STAB2: variants seen among roughly 807,000 people sequenced by gnomAD.
STAB2 encodes stabilin-2.
Under a neutral mutation model 338.1 loss-of-function variants are expected in STAB2, and 288 were observed. The ratio of observed to expected loss-of-function variants is 0.85; its 90% CI spans 0.77 to 0.94. The LOEUF is 0.94. Ranked by LOEUF, STAB2 falls within the 40% of genes least tolerant of loss-of-function variation. The pLI, the probability that STAB2 is intolerant of heterozygous loss-of-function variation, is 0.00. For missense variants in STAB2, 3,141 were observed against 3,210.1 expected, an observed-to-expected ratio of 0.98 and a Z score of 0.52; for synonymous variants, 1,202 against 1,193.3, an observed-to-expected ratio of 1.01 and a Z score of -0.15.
intron 3 of STAB2, among the ~76,000 whole-genome samples, chr12:103,597,647 T>C (rs920618083): frequency 1.3e-5 from 2 of 152,244 alleles, no homozygotes; most frequent in Non-Finnish European, 2.9e-5. Context: ...AAATTTATAC[T>C]ACTTTATCAA....
At chr12:103,663,795 T>G (rs567554347) in intron 18 of STAB2, among the ~76,000 whole-genome samples, 1 of 152,316 alleles carries the variant, frequency 6.6e-6, no homozygotes, top group African/African-American at 2.4e-5. Flanking sequence ...GGACACAAGT[T>G]TTTGGAAAGA....
chr12:103,647,565 C>A (rs1326296755), intron 9 of STAB2, among the ~76,000 whole-genome samples: 1 of 152,196 alleles, frequency 6.6e-6, no homozygotes. Flanking sequence ...GCTGTCAACT[C>A]CTCTATACTG....
chr12:103,703,705 G>A (rs1879101696), intron 35 of STAB2, among the ~76,000 whole-genome samples: 4 of 152,294 alleles, frequency 2.6e-5, no homozygotes, highest in South Asian at 4.1e-4. Flanking sequence ...ATAAGGAAAT[G>A]AATGATTTCA....
In STAB2 at chr12:103,662,831, A is replaced by T; in HGVS notation, c.1870-15A>T. On this transcript the variant is annotated splice_polypyrimidine_tract_variant and intron_variant, in intron 17 of 68. Transcript: ENST00000388887. ...AGAATAGTACAGAATTAGAGATGTC[A>T]TTTTTTCTTTCCAGGGACAGATTCT... The T allele has an allele frequency of 6.2e-7, 1 of 1,613,656 alleles. No homozygotes were observed. Among genetic ancestry groups the T allele is most frequent in the Non-Finnish European group, 8.5e-7 (1 of 1,179,868 alleles).
chr12:103,644,378 A>G (rs1408558807), intron 9 of STAB2, among the ~76,000 whole-genome samples: 1 of 150,000 alleles, frequency 6.7e-6, no homozygotes, highest in East Asian at 2.0e-4. Context: ...TCAAGTACCC[A>G]GGGACACAAA....
intron 5 of STAB2, among the ~76,000 whole-genome samples, chr12:103,631,299 T>C (rs981313573): frequency 6.6e-6 from 1 of 152,182 alleles, no homozygotes; most frequent in Non-Finnish European, 1.5e-5. Context: ...CTTGTTGAGG[T>C]ATCCAAAGAT....
At position 103,705,656 on chromosome 12, in the gene STAB2, T is replaced by C. The variant is rs1163771970; in HGVS notation, c.3925T>C (p.Tyr1309His). Reference sequence around the variant, plus strand: ...GGGTAATGAGAAGAGGAGATGCATCTATACCTCCTATTTCATGGGAAGACG... The same window carrying C: ...GGGTAATGAGAAGAGGAGATGCATCCATACCTCCTATTTCATGGGAAGACG... ...SLGNEKRRCI[Y>H]TSYFMGRRTL... The change falls in exon 37 of 69, where the codon TAT (tyrosine) becomes CAT (histidine). Residue 1309 changes from tyrosine (Y) to histidine (H), a missense_variant. Tyr to His is a moderately conservative substitution (Grantham distance 83). Coordinates refer to ENST00000388887, the MANE Select transcript of STAB2 (RefSeq NM_017564.10). The C allele has an allele frequency of 6.2e-7, 1 of 1,614,076 alleles. No individual in the cohort carries two copies. The highest frequency in any genetic ancestry group is 1.3e-5 in the African/African-American group (1 of 74,944).
chr12:103,719,337 T>C (rs1472034898), intron 44 of STAB2, among the ~76,000 whole-genome samples: 1 of 152,208 alleles, frequency 6.6e-6, no homozygotes, highest in African/African-American at 2.4e-5. Flanking sequence ...GAACTGTTAT[T>C]AACCCCATTT....
intron 25 of STAB2, among the ~76,000 whole-genome samples, chr12:103,678,721 A>G (rs1876617615): frequency 6.6e-6 from 1 of 152,064 alleles, no homozygotes; most frequent in Non-Finnish European, 1.5e-5. Context: ...TAGTAGAGAC[A>G]GGGTTTTTCC....
At chr12:103,653,784 A>C (rs1873958860) in intron 12 of STAB2, among the ~76,000 whole-genome samples, 1 of 148,674 alleles carries the variant, frequency 6.7e-6, no homozygotes, top group Non-Finnish European at 1.5e-5. Context: ...GGATGGATAC[A>C]TGGATAGGTC....
intron 25 of STAB2, among the ~76,000 whole-genome samples, chr12:103,679,202 C>T (rs541216079): frequency 6.6e-6 from 1 of 152,052 alleles, no homozygotes; most frequent in East Asian, 2.0e-4. Flanking sequence ...ATGGAGAAAC[C>T]CCATGTCTAC....
rs533314681 is a variant in STAB2, at chr12:103,709,801, G to T, written c.4288+1265G>T. 2.1e-4 allele frequency among the ~76,000 whole-genome samples: 32 copies of T among 152,272 alleles called. No homozygotes were observed. The East Asian group carries it at 6.0e-3, about 28-fold the overall frequency. On this transcript the variant is annotated intron_variant, in intron 39 of 68. Transcript: ENST00000388887. ...CAGGCTTCTGAGAGCCTGGGAGAGG[G>T]AAGCAGGAAGCAATGGGGTCACATA...
At chr12:103,628,924 A>C (rs1957419530) in intron 5 of STAB2, among the ~76,000 whole-genome samples, 1 of 152,224 alleles carries the variant, frequency 6.6e-6, no homozygotes, top group African/African-American at 2.4e-5. Flanking sequence ...AGCAGGATGC[A>C]GCTCTGCACT....
intron 45 of STAB2, 151 bp downstream of exon 45, chr12:103,725,245 ATT>A: frequency 7.8e-7 from 1 of 1,288,080 alleles, no homozygotes; most frequent in Non-Finnish European, 1.0e-6. Flanking sequence ...ATGAAAAGAA[ATT>A]TTGTCTTCCT....
intron 61 of STAB2, among the ~76,000 whole-genome samples, chr12:103,754,144 G>A (rs1883912148): frequency 6.6e-6 from 1 of 151,952 alleles, no homozygotes. Context: ...TTCAGACCTG[G>A]TATTCCTTTA....
chr12:103,689,299 A>G (rs1234287530), intron 28 of STAB2, among the ~76,000 whole-genome samples: 1 of 152,106 alleles, frequency 6.6e-6, no homozygotes, highest in African/African-American at 2.4e-5. Context: ...CCTGGCCAAC[A>G]TCGTGAAACC....
intron 44 of STAB2, among the ~76,000 whole-genome samples, chr12:103,721,401 TG>T (rs1354499982): frequency 6.6e-6 from 1 of 152,180 alleles, no homozygotes; most frequent in Non-Finnish European, 1.5e-5. Flanking sequence ...CCAGTGTGAA[TG>T]CAGTAAAGGG....
intron 44 of STAB2, among the ~76,000 whole-genome samples, chr12:103,723,910 G>T (rs759663144): frequency 4.6e-5 from 7 of 152,140 alleles, no homozygotes; most frequent in Non-Finnish European, 1.0e-4. Flanking sequence ...AATGATAAAA[G>T]TTGGTGGCCA....
At chr12:103,723,175 G>A (rs1880903520) in intron 44 of STAB2, among the ~76,000 whole-genome samples, 1 of 151,984 alleles carries the variant, frequency 6.6e-6, no homozygotes, top group South Asian at 2.1e-4. Context: ...GGTGAGGAGT[G>A]GAATGTCATC....
Sources: gnomAD v4.1 joint callset for allele counts (sites outside exome capture counted in the v4.1 genomes callset) on GRCh38, gnomAD v4.1.1 for gene constraint, MANE v1.5 for transcripts, NCBI Gene and HGNC (gene_info 2026-07-23, HGNC 2026-07-21) for gene names.